Variants in ROR1 observed in about 807,000 individuals in gnomAD.
The protein encoded by ROR1 is inactive tyrosine-protein kinase transmembrane receptor ROR1.
Under a neutral mutation model 78.8 loss-of-function variants are expected in ROR1, and 19 were observed. The ratio of observed to expected loss-of-function variants is 0.24; its 90% CI spans 0.17 to 0.35. The LOEUF is 0.35. Among genes scored for constraint, ROR1 ranks in the 10% least tolerant of loss-of-function variants. The pLI is 1.00. For synonymous variants in ROR1, 386 were observed against 433.6 expected, an observed-to-expected ratio of 0.89 and a Z score of 1.36; for missense variants, 917 against 1,177.8, an observed-to-expected ratio of 0.78 and a Z score of 3.24.
At position 64,049,940 on chromosome 1, in the gene ROR1, A is replaced by T; in HGVS notation, c.413A>T (p.Glu138Val). ...CAGTGCGTGGCAACAAACGGCAAGGAGGTGGTTTCTTCCACTGGAGTCTTG... is the reference window on the plus strand; with the variant it reads ...CAGTGCGTGGCAACAAACGGCAAGGTGGTGGTTTCTTCCACTGGAGTCTTG... ...YFQCVATNGK[E>V]VVSSTGVLFV... Residue 138 changes from glutamate (E) to valine (V), a missense_variant, in exon 3 of 9, where the codon GAG becomes GTG. Transcript: ENST00000371079. The T allele has an allele frequency of 6.2e-7, 1 of 1,614,184 alleles. No homozygotes were observed.
chr1:64,118,843 A>G (rs1648419079), intron 4 of ROR1, among the ~76,000 whole-genome samples: 1 of 152,122 alleles, frequency 6.6e-6, no homozygotes, highest in African/African-American at 2.4e-5. Context: ...ACTCATAGAT[A>G]AAAGCTGTTG....
chr1:63,917,247 G>A (rs1370195141), intron 1 of ROR1, among the ~76,000 whole-genome samples: 2 of 152,076 alleles, frequency 1.3e-5, no homozygotes, highest in Non-Finnish European at 2.9e-5. Context: ...GGGTAATTCT[G>A]GCACTCAGTC....
intron 4 of ROR1, among the ~76,000 whole-genome samples, chr1:64,093,207 GTC>G (rs370778475): frequency 4.6e-5 from 7 of 152,140 alleles, no homozygotes; most frequent in African/African-American, 1.4e-4. Flanking sequence ...AGCTGGATGA[GTC>G]TCTCTCTCTT....
At chr1:64,092,032 G>T (rs1040002643) in intron 4 of ROR1, among the ~76,000 whole-genome samples, 1 of 151,972 alleles carries the variant, frequency 6.6e-6, no homozygotes, top group African/African-American at 2.4e-5. Context: ...TTACAATTTT[G>T]GGTGTGGGTT....
intron 1 of ROR1, among the ~76,000 whole-genome samples, chr1:63,873,387 C>T (rs998382854): frequency 1.3e-5 from 2 of 152,138 alleles, no homozygotes; most frequent in African/African-American, 4.8e-5. Flanking sequence ...CCACCCCACT[C>T]CTCCAACCCG....
At chr1:64,083,523 TTGAG>T (rs1240753127) in intron 4 of ROR1, among the ~76,000 whole-genome samples, 1 of 120,556 alleles carries the variant, frequency 8.3e-6, no homozygotes, top group East Asian at 2.1e-4. Context: ...ATTTCCAAGA[TTGAG>T]TGTGTGTGTT....
chr1:64,028,289 T>C (rs950320932), intron 2 of ROR1, among the ~76,000 whole-genome samples: 1 of 152,200 alleles, frequency 6.6e-6, no homozygotes, highest in African/African-American at 2.4e-5. Flanking sequence ...GCATCTGTCC[T>C]CAAGATGCTC....
chr1:63,942,650 G>A (rs1200336950), intron 1 of ROR1, among the ~76,000 whole-genome samples: 1 of 152,150 alleles, frequency 6.6e-6, no homozygotes, highest in African/African-American at 2.4e-5. Context: ...GAGGAGAGCT[G>A]TGCAGCAGAT....
At chr1:63,878,577 A>G (rs1645303291) in intron 1 of ROR1, among the ~76,000 whole-genome samples, 1 of 151,788 alleles carries the variant, frequency 6.6e-6, no homozygotes, top group African/African-American at 2.4e-5. Context: ...TTACAGGTTT[A>G]GGGCTGAAAT....
At chr1:64,098,294 C>T (rs887741531) in intron 4 of ROR1, among the ~76,000 whole-genome samples, 16 of 152,142 alleles carry the variant, frequency 1.1e-4, no homozygotes, top group African/African-American at 3.1e-4. Flanking sequence ...CCAACTCAGT[C>T]CCAAACCCCC....
intron 1 of ROR1, among the ~76,000 whole-genome samples, chr1:63,881,949 A>G (rs898224453): frequency 2.6e-5 from 4 of 152,076 alleles, no homozygotes; most frequent in African/African-American, 9.7e-5. Context: ...TGTACCACCC[A>G]TTTTCTGTAC....
chr1:63,913,445 T>C (rs996740081), intron 1 of ROR1, among the ~76,000 whole-genome samples: 1 of 152,144 alleles, frequency 6.6e-6, no homozygotes, highest in Non-Finnish European at 1.5e-5. Flanking sequence ...AGGGATAAAA[T>C]TGGGGGTATG....
chr1:64,051,144 T>G (rs572375714), intron 4 of ROR1, among the ~76,000 whole-genome samples: 3 of 152,100 alleles, frequency 2.0e-5, no homozygotes, highest in African/African-American at 7.2e-5. Context: ...TTTATTCCCT[T>G]TAAAGAACTC....
At position 63,952,142 on chromosome 1, in the gene ROR1, G is replaced by C. The variant is rs146876172; in HGVS notation, c.92-57163G>C. On this transcript the variant is annotated intron_variant, in intron 1 of 8. Coordinates refer to ENST00000371079, the MANE Select transcript of ROR1 (RefSeq NM_005012.4). ...TACGATGGGGTGGTAAAGTGTAGCT[G>C]TTTTGTAAGGGATGGGAAAGGAAGG... 8.4e-3 allele frequency among the ~76,000 whole-genome samples: 1,276 copies of C among 152,244 alleles called. 9 individuals are homozygous for C. Among genetic ancestry groups the C allele is most frequent in the Non-Finnish European group, 0.012 (845 of 68,010 alleles).
chr1:63,873,151 G>C (rs1645262697), intron 1 of ROR1, among the ~76,000 whole-genome samples: 1 of 152,062 alleles, frequency 6.6e-6, no homozygotes, highest in African/African-American at 2.4e-5. Flanking sequence ...ACCAGATCCT[G>C]CTATGATTTC....
At chr1:64,001,445 C>A (rs1169729861) in intron 1 of ROR1, among the ~76,000 whole-genome samples, 1 of 152,150 alleles carries the variant, frequency 6.6e-6, no homozygotes, top group East Asian at 1.9e-4. Flanking sequence ...CTCGAATCTA[C>A]GCTTGCAATG....
chr1:63,890,470 T>C (rs947934775), intron 1 of ROR1, among the ~76,000 whole-genome samples: 3 of 151,084 alleles, frequency 2.0e-5, no homozygotes, highest in Non-Finnish European at 4.4e-5. Context: ...AAAGACTAAT[T>C]TCCTGCCCTC....
intron 1 of ROR1, among the ~76,000 whole-genome samples, chr1:63,813,000 CT>C (rs1644869605): frequency 6.6e-6 from 1 of 151,380 alleles, no homozygotes; most frequent in African/African-American, 2.4e-5. Flanking sequence ...CTTCCCACCA[CT>C]TTTTTAAATA....
At chr1:64,085,661 A>C (rs1178780751) in intron 4 of ROR1, among the ~76,000 whole-genome samples, 2 of 152,210 alleles carry the variant, frequency 1.3e-5, no homozygotes, top group East Asian at 3.9e-4. Flanking sequence ...TTCCCCAAGC[A>C]GCAAGGAGGG....
Sources: gnomAD v4.1 joint callset for allele counts (sites outside exome capture counted in the v4.1 genomes callset) on GRCh38, gnomAD v4.1.1 for gene constraint, MANE v1.5 for transcripts, NCBI Gene and HGNC (gene_info 2026-07-23, HGNC 2026-07-21) for gene names.